PLEKHG7: variants seen among roughly 807,000 people sequenced by gnomAD.
The protein encoded by PLEKHG7 is pleckstrin homology and RhoGEF domain containing G7.
Under a neutral mutation model 85.2 loss-of-function variants are expected in PLEKHG7, and 77 were observed. That is an observed-to-expected ratio of 0.90 (90% CI 0.75 to 1.09). The LOEUF (loss-of-function observed/expected upper bound fraction) is 1.09, where lower values mean the gene tolerates loss of function less well. Among genes scored for constraint, PLEKHG7 ranks in the 50% least tolerant of loss-of-function variants. PLEKHG7 has a pLI of 0.00. For missense variants in PLEKHG7, 777 were observed against 804.3 expected (o/e 0.97, Z 0.41); for synonymous variants, 301 against 302.4 (o/e 1.00, Z 0.05).
Position 92,706,839 on chromosome 12 carries a change from A to G in PLEKHG7, c.208A>G (p.Thr70Ala), listed in dbSNP as rs1489676065. Residue 70 changes from threonine to alanine, a missense_variant, in exon 2 of 17, where the codon ACC becomes GCC. Thr to Ala is a moderately conservative substitution (Grantham distance 58). This residue lies in a region of PLEKHG7 where 252 missense variants were observed against 241.9 expected (regional missense o/e 1.04). Coordinates refer to ENST00000344636, the MANE Select transcript of PLEKHG7 (RefSeq NM_001377329.1). Reference protein sequence around the residue: ...GTRQDAWQVTTWGSWGAPVGF... With the variant: ...GTRQDAWQVTAWGSWGAPVGF... ...AAGGCAGGATGCCTGGCAGGTGACCACCTGGGGAAGCTGGGGAGCTCCTGT... is the reference window on the plus strand; with the variant it reads ...AAGGCAGGATGCCTGGCAGGTGACCGCCTGGGGAAGCTGGGGAGCTCCTGT... 1 of 1,613,742 alleles carries G rather than the reference A, an allele frequency of 6.2e-7. No individual in the cohort carries two copies. Among genetic ancestry groups the G allele is most frequent in the Non-Finnish European group, 8.5e-7 (1 of 1,180,016 alleles).
intron 7 of PLEKHG7, among the ~76,000 whole-genome samples, chr12:92,739,269 C>A (rs1267084338): frequency 6.6e-6 from 1 of 152,128 alleles, no homozygotes; most frequent in African/African-American, 2.4e-5. Context: ...TGAGCCAAAT[C>A]CTCTAGCTCT....
intron 3 of PLEKHG7, among the ~76,000 whole-genome samples, chr12:92,722,910 A>G (rs939652039): frequency 1.1e-4 from 16 of 152,296 alleles, no homozygotes; most frequent in Admixed American, 7.9e-4. Flanking sequence ...ATCCAGTATG[A>G]ATCTTCAACG....
rs189901145 is a variant in PLEKHG7, at chr12:92,714,859, G to T, written c.530+7187G>T. The stretch of plus-strand genomic sequence containing the variant: ...AGTGTTCTCCATACTATTAGAAGTA[G>T]AGTCCTTAGCATTTTTCGGTCTAAT... On this transcript the variant is annotated intron_variant, in intron 3 of 16. Transcript: ENST00000344636. Among the ~76,000 whole-genome samples, 188 of 152,234 alleles carry T rather than the reference G, an allele frequency of 1.2e-3. 3 individuals carry two copies. The South Asian group carries it at 0.018, about 15-fold the overall frequency.
At chr12:92,739,248 G>T (rs1009469477) in intron 7 of PLEKHG7, among the ~76,000 whole-genome samples, 1 of 152,164 alleles carries the variant, frequency 6.6e-6, no homozygotes, top group African/African-American at 2.4e-5. Flanking sequence ...CTTAGATCAC[G>T]TGCCCACCCG....
intron 3 of PLEKHG7, among the ~76,000 whole-genome samples, chr12:92,711,356 G>T (rs1441953135): frequency 6.6e-6 from 1 of 152,138 alleles, no homozygotes; most frequent in Non-Finnish European, 1.5e-5. Context: ...GGGAGAGAAG[G>T]CAGGGTGGCA....
At position 92,706,885 on chromosome 12, in the gene PLEKHG7, C is replaced by T. The variant is rs774672905; in HGVS notation, c.254C>T (p.Ser85Leu). Residue 85 changes from serine to leucine, a missense_variant, in exon 2 of 17, where the codon TCG (serine) becomes TTG (leucine). Ser to Leu is a moderately radical substitution (Grantham distance 145, BLOSUM62 -2). Transcript: ENST00000344636. Reference protein sequence around the residue: ...GAPVGFPCYLSKSLPGSPKDS... With the variant: ...GAPVGFPCYLLKSLPGSPKDS... ...CCTGTGGGCTTCCCATGTTACCTTT[C>T]GAAGAGCCTGCCAGGAAGCCCAAAG... The T allele has an allele frequency of 3.3e-5, 53 of 1,613,964 alleles. No individual in the cohort carries two copies. The highest frequency in any genetic ancestry group is 3.9e-5 in the Non-Finnish European group (46 of 1,179,992).
chr12:92,757,803 C>G (rs1872875825), intron 13 of PLEKHG7, among the ~76,000 whole-genome samples: 1 of 152,108 alleles, frequency 6.6e-6, no homozygotes, highest in Non-Finnish European at 1.5e-5. Flanking sequence ...AAGGACCCAG[C>G]CAGGAAACTG....
In PLEKHG7 at chr12:92,764,131, C is replaced by T. The variant is rs1019715298; in HGVS notation, c.1807C>T (p.Leu603Phe). ...VIKEGGSCTV[L>F]DQPIPLDRLV... is the part of the protein sequence containing the mutation. ...AAAAGAGGGTGGTTCGTGTACAGTA[C>T]TCGATCAGCCTATTCCACTAGATAG... The change falls in exon 15 of 17, where the codon CTC becomes TTC. Residue 603 changes from leucine (L) to phenylalanine (F), a missense_variant. This residue lies in a region of PLEKHG7 where 520 missense variants were observed against 544.0 expected (regional missense o/e 0.96). Transcript: ENST00000344636. The T allele has an allele frequency of 1.2e-6, 2 of 1,612,002 alleles. No homozygotes were observed. The highest frequency in any genetic ancestry group is 1.3e-5 in the African/African-American group (1 of 74,938).
intron 3 of PLEKHG7, among the ~76,000 whole-genome samples, chr12:92,717,586 G>A (rs917799902): frequency 6.6e-5 from 10 of 152,298 alleles, no homozygotes; most frequent in Admixed American, 4.6e-4. Context: ...TAGTGGTCCC[G>A]TAAGATTATC....
chr12:92,704,276 A>T (rs1263095478), intron 1 of PLEKHG7, among the ~76,000 whole-genome samples: 1 of 152,032 alleles, frequency 6.6e-6, no homozygotes, highest in Non-Finnish European at 1.5e-5. Flanking sequence ...AGAAAAAAAA[A>T]AAGAAAGAAA....
Position 92,741,712 on chromosome 12 carries a change from C to T in PLEKHG7, c.1137+120C>T. 3 of 583,396 alleles carry T rather than the reference C, an allele frequency of 5.1e-6. No individual in the cohort carries two copies. In the South Asian group the frequency reaches 1.0e-4, roughly 20 times the overall value. 36.1% of individuals were successfully genotyped at this position (583,396 alleles called of 1,614,324 possible). A position where few individuals can be genotyped will look rare whatever the true frequency, so the allele number is the denominator to read the frequency against. ...GGAAAGTTCTACCTCCACTCTCCTA[C>T]AAAGGAACTGTCCCTTTCTCTGCCA... On this transcript the variant is annotated intron_variant, in intron 9 of 16. Coordinates refer to ENST00000344636, the MANE Select transcript of PLEKHG7 (RefSeq NM_001377329.1).
intron 7 of PLEKHG7, among the ~76,000 whole-genome samples, chr12:92,740,134 A>C (rs1305826269): frequency 6.6e-6 from 1 of 152,166 alleles, no homozygotes; most frequent in Non-Finnish European, 1.5e-5. Flanking sequence ...TTAACCCCTA[A>C]AATTCTTGAA....
chr12:92,721,702 C>CAAAAA (rs71069170), intron 3 of PLEKHG7, among the ~76,000 whole-genome samples: 1 of 43,370 alleles, frequency 2.3e-5, no homozygotes, highest in Non-Finnish European at 4.4e-5. Flanking sequence ...AGCATAAAAC[C>CAAAAA]AAAAAAAAAA....
At position 92,770,268 on chromosome 12, in the gene PLEKHG7, C is replaced by T; in HGVS notation, c.*73C>T. 1 of 1,121,826 alleles carries T rather than the reference C, an allele frequency of 8.9e-7. No individual in the cohort carries two copies. The highest frequency in any genetic ancestry group is 1.4e-5 in the South Asian group (1 of 69,468). 69.5% of individuals were successfully genotyped at this position (1,121,826 alleles called of 1,614,324 possible). On this transcript the variant is annotated 3_prime_UTR_variant, in exon 17 of 17. Transcript: ENST00000344636. ...TATAATTTCATTCAAAGTTTTGTAA[C>T]ACTTAGCTAGTGATAAGCTAGAAGG...
Position 92,750,080 on chromosome 12 carries a change from A to T in PLEKHG7, c.1252-4010A>T, listed in dbSNP as rs564107257. Among the ~76,000 whole-genome samples the T allele has an allele frequency of 9.9e-4, 148 of 149,858 alleles. 2 individuals are homozygous for T. Among genetic ancestry groups the T allele is most frequent in the African/African-American group, 3.6e-3 (145 of 40,564 alleles). Reference sequence around the variant, plus strand: ...GGTCTCACTCTGTCACCCAGGCTGGAATGCAGTGGCACCATCATGGCTCAC... The same window carrying T: ...GGTCTCACTCTGTCACCCAGGCTGGTATGCAGTGGCACCATCATGGCTCAC... On this transcript the variant is annotated intron_variant, in intron 10 of 16. Coordinates refer to ENST00000344636, the MANE Select transcript of PLEKHG7 (RefSeq NM_001377329.1).
At chr12:92,720,896 G>A (rs1163274699) in intron 3 of PLEKHG7, among the ~76,000 whole-genome samples, 1 of 152,154 alleles carries the variant, frequency 6.6e-6, no homozygotes, top group Admixed American at 6.5e-5. Flanking sequence ...AAAATAGTTG[G>A]TAGTCTCTTT....
At position 92,768,986 on chromosome 12, in the gene PLEKHG7, T is replaced by C. The variant is rs1206411781; in HGVS notation, c.1874T>C (p.Phe625Ser). Reference sequence around the variant, plus strand: ...TCTTTGTAATATCTTTTTCTAGTCTTTGGGCTGAGAAATGCTTTTCTTATA... The same window carrying C: ...TCTTTGTAATATCTTTTTCTAGTCTCTGGGCTGAGAAATGCTTTTCTTATA... ...KSIEPLHVSV[F>S]GLRNAFLIQH... The change falls in exon 16 of 17, where the codon TTT becomes TCT. Residue 625 changes from phenylalanine (F) to serine (S), a missense_variant. Coordinates refer to ENST00000344636, the MANE Select transcript of PLEKHG7 (RefSeq NM_001377329.1). The C allele has an allele frequency of 1.3e-6, 2 of 1,577,830 alleles. No homozygotes were observed. The highest frequency in any genetic ancestry group is 1.7e-6 in the Non-Finnish European group (2 of 1,153,852).
intron 3 of PLEKHG7, among the ~76,000 whole-genome samples, chr12:92,728,759 G>A (rs1203705426): frequency 6.6e-6 from 1 of 151,960 alleles, no homozygotes; most frequent in Non-Finnish European, 1.5e-5. Context: ...TGGGTAGATA[G>A]TCAGTAGTGG....
intron 10 of PLEKHG7, among the ~76,000 whole-genome samples, chr12:92,750,905 A>C (rs1393185327): frequency 6.6e-6 from 1 of 151,978 alleles, no homozygotes. Context: ...GGACCACTGC[A>C]CTTAGCCTGG....
Sources: allele counts gnomAD v4.1 joint callset (sites outside exome capture counted in the v4.1 genomes callset), GRCh38; gene constraint gnomAD v4.1.1; regional missense constraint gnomAD v4.1.1; transcripts MANE v1.5; gene names NCBI Gene and HGNC (gene_info 2026-07-23, HGNC 2026-07-21).